Variants in FAM107B observed in about 807,000 individuals in gnomAD.
The protein encoded by FAM107B is protein FAM107B.
FAM107B carries 21 observed loss-of-function variants against 31.5 expected under a neutral mutation model. The ratio of observed to expected loss-of-function variants is 0.67; its 90% CI spans 0.47 to 0.96. FAM107B has a LOEUF of 0.96. Among genes scored for constraint, FAM107B ranks in the 40% least tolerant of loss-of-function variants. The probability of loss-of-function intolerance (pLI) is 0.00; values close to 1 mark genes in which losing one functional copy is unlikely to be tolerated. For missense variants in FAM107B, 452 were observed against 377.1 expected, an observed-to-expected ratio of 1.20 and a Z score of -1.64; for synonymous variants, 157 against 141.5, an observed-to-expected ratio of 1.11 and a Z score of -0.78.
chr10:14,609,490 T>C (rs1184562427), intron 2 of FAM107B, among the ~76,000 whole-genome samples: 1 of 152,200 alleles, frequency 6.6e-6, no homozygotes, highest in Non-Finnish European at 1.5e-5. Context: ...GGCTAAAGGC[T>C]GCCCAGAAAC....
chr10:14,702,495 C>T (rs1465047682), intron 1 of FAM107B, among the ~76,000 whole-genome samples: 1 of 152,150 alleles, frequency 6.6e-6, no homozygotes, highest in Non-Finnish European at 1.5e-5. Flanking sequence ...TACAGGCACA[C>T]ACCACAACAC....
intron 2 of FAM107B, among the ~76,000 whole-genome samples, chr10:14,605,503 T>C (rs1039750536): frequency 2.0e-5 from 3 of 152,218 alleles, no homozygotes; most frequent in Admixed American, 6.5e-5. Context: ...GTTTGGGTCA[T>C]AGTCATACTG....
In FAM107B at chr10:14,701,507, A is replaced by G. The variant is rs146935271; in HGVS notation, c.412-33816T>C. Among the ~76,000 whole-genome samples, 491 of 152,234 alleles carry G rather than the reference A, an allele frequency of 3.2e-3. 5 individuals carry two copies. Among genetic ancestry groups the G allele is most frequent in the African/African-American group, 0.011 (474 of 41,544 alleles). On this transcript the variant is annotated intron_variant, in intron 1 of 4. Transcript: ENST00000181796. ...TGATCCTCCCACCTCGGCCTCCCAA[A>G]GTGCTGGGATCATAGGCATGAGCCA...
intron 2 of FAM107B, among the ~76,000 whole-genome samples, chr10:14,612,854 A>G (rs1467306464): frequency 3.9e-5 from 6 of 152,248 alleles, no homozygotes; most frequent in Non-Finnish European, 1.5e-5. Context: ...AACTAAAAAC[A>G]GCATACAAAA....
At chr10:14,620,293 A>C (rs1852975718) in intron 2 of FAM107B, among the ~76,000 whole-genome samples, 1 of 152,164 alleles carries the variant, frequency 6.6e-6, no homozygotes, top group Admixed American at 6.5e-5. Flanking sequence ...CTGGGATTAC[A>C]GGCATGAGCC....
At chr10:14,556,720 T>C (rs1229492210) in intron 2 of FAM107B, among the ~76,000 whole-genome samples, 2 of 152,238 alleles carry the variant, frequency 1.3e-5, no homozygotes, top group Non-Finnish European at 2.9e-5. Flanking sequence ...GTTTTGTGGC[T>C]AAAACAAATA....
intron 1 of FAM107B, among the ~76,000 whole-genome samples, chr10:14,682,366 TA>T (rs1854857421): frequency 6.6e-6 from 1 of 151,980 alleles, no homozygotes; most frequent in South Asian, 2.1e-4. Context: ...TCGCCTCTAC[TA>T]AAAACATAAA....
At position 14,653,496 on chromosome 10, in the gene FAM107B, C is replaced by T. The variant is rs574893577; in HGVS notation, c.469+14138G>A. ...AGCACACAGTGGCCTCTCAGTTCCCCTTTCAAGGAAGAGCTCTGGGAGAAA... is the reference window on the plus strand; with the variant it reads ...AGCACACAGTGGCCTCTCAGTTCCCTTTTCAAGGAAGAGCTCTGGGAGAAA... On this transcript the variant is annotated intron_variant, in intron 2 of 4. Transcript: ENST00000181796. Among the ~76,000 whole-genome samples, 3 of 152,286 alleles carry T rather than the reference C, an allele frequency of 2.0e-5. No homozygotes were observed. In the East Asian group the frequency reaches 5.8e-4, roughly 29 times the overall value.
rs11404049 is a variant in FAM107B, at chr10:14,552,471, G to GAAA, written c.470-21959_470-21957dup. On this transcript the variant is annotated intron_variant, in intron 2 of 4. Transcript: ENST00000181796. ...CCACTACCCACACACACCCAACAAT[G>GAAA]AAAAAAAAAAATGAAGTCAACGTTT... Among the ~76,000 whole-genome samples the GAAA allele has an allele frequency of 1.2e-3, 174 of 149,468 alleles. 2 individuals are homozygous for GAAA. The highest frequency in any genetic ancestry group is 3.7e-3 in the African/African-American group (150 of 40,672).
At chr10:14,595,902 C>T (rs763157237) in intron 2 of FAM107B, among the ~76,000 whole-genome samples, 1 of 152,192 alleles carries the variant, frequency 6.6e-6, no homozygotes, top group African/African-American at 2.4e-5. Context: ...TATTCCTGGC[C>T]CTCTGCAGTC....
At chr10:14,547,939 C>G (rs902022927) in intron 2 of FAM107B, among the ~76,000 whole-genome samples, 1 of 152,160 alleles carries the variant, frequency 6.6e-6, no homozygotes, top group African/African-American at 2.4e-5. Context: ...CTAACCAAAC[C>G]CTAGAGAACA....
chr10:14,669,305 G>A (rs372825925), intron 1 of FAM107B, among the ~76,000 whole-genome samples: 1 of 147,400 alleles, frequency 6.8e-6, no homozygotes, highest in African/African-American at 2.5e-5. Flanking sequence ...GGGAGGTGGA[G>A]GTTGCCGTGA....
intron 2 of FAM107B, among the ~76,000 whole-genome samples, chr10:14,647,083 T>C (rs147408553): frequency 5.7e-4 from 87 of 152,190 alleles, no homozygotes; most frequent in African/African-American, 2.0e-3. Flanking sequence ...TGTGAGCCAC[T>C]GTGCCCGGCT....
chr10:14,678,327 T>A (rs986620471), intron 1 of FAM107B, among the ~76,000 whole-genome samples: 1 of 152,234 alleles, frequency 6.6e-6, no homozygotes. Context: ...ATGGTGGGTA[T>A]GTGTTTTCTG....
chr10:14,587,646 C>T (rs1362193640), intron 2 of FAM107B, among the ~76,000 whole-genome samples: 2 of 152,172 alleles, frequency 1.3e-5, no homozygotes, highest in Non-Finnish European at 2.9e-5. Flanking sequence ...AAAATCGTCA[C>T]CACAACCCTA....
chr10:14,647,104 C>T (rs139527890), intron 2 of FAM107B, among the ~76,000 whole-genome samples: 16 of 152,204 alleles, frequency 1.1e-4, no homozygotes, highest in African/African-American at 2.9e-4. Flanking sequence ...CCATTTTCTC[C>T]TCTTTTAAAT....
At chr10:14,754,027 C>G (rs548028573) in intron 1 of FAM107B, among the ~76,000 whole-genome samples, 2 of 151,732 alleles carry the variant, frequency 1.3e-5, no homozygotes, top group African/African-American at 4.8e-5. Context: ...CAACTCCTGC[C>G]TCCTGGGTTC....
chr10:14,645,961 C>T (rs914982134), intron 2 of FAM107B, among the ~76,000 whole-genome samples: 5 of 152,068 alleles, frequency 3.3e-5, no homozygotes, highest in Non-Finnish European at 5.9e-5. Flanking sequence ...AACAAGCCCT[C>T]GATTTATCTG....
Position 14,527,422 on chromosome 10 carries a change from C to A in FAM107B, c.653+2910G>T, listed in dbSNP as rs551409850. Among the ~76,000 whole-genome samples the A allele has an allele frequency of 6.8e-4, 103 of 152,302 alleles. No individual in the cohort carries two copies. In the Middle Eastern group the frequency reaches 0.014, roughly 20 times the overall value. ...ACTTGTTCTCTTAAGTTCTTGTTCT[C>A]AGCCTGTAACACATAATCTCTGAAA... On this transcript the variant is annotated intron_variant, in intron 3 of 4. Coordinates refer to ENST00000181796, the MANE Select transcript of FAM107B (RefSeq NM_031453.4).
Sources: gnomAD v4.1 joint callset for allele counts (sites outside exome capture counted in the v4.1 genomes callset) on GRCh38, gnomAD v4.1.1 for gene constraint, MANE v1.5 for transcripts, NCBI Gene and HGNC (gene_info 2026-07-23, HGNC 2026-07-21) for gene names.